The following OPCML variants were observed in gnomAD, a reference collection of about 807,000 sequenced individuals.
OPCML encodes the protein opioid-binding protein/cell adhesion molecule.
Under a neutral mutation model 37.8 loss-of-function variants are expected in OPCML, and 13 were observed. The observed-to-expected ratio is 0.34, with a 90% confidence interval of 0.22 to 0.55. The LOEUF (loss-of-function observed/expected upper bound fraction) is 0.55, where lower values mean the gene tolerates loss of function less well. Among genes scored for constraint, OPCML ranks in the 20% least tolerant of loss-of-function variants. The pLI is 0.91. For missense variants in OPCML, 341 were observed against 435.6 expected, an observed-to-expected ratio of 0.78 and a Z score of 1.93; for synonymous variants, 176 against 168.8, an observed-to-expected ratio of 1.04 and a Z score of -0.33.
chr11:132,787,995 C>T (rs1247939760), intron 2 of OPCML, among the ~76,000 whole-genome samples: 1 of 152,164 alleles, frequency 6.6e-6, no homozygotes, highest in Non-Finnish European at 1.5e-5. Context: ...CTTCTTCTGC[C>T]TCAGCCTCCC....
chr11:132,557,651 G>A (rs545779047), intron 3 of OPCML, among the ~76,000 whole-genome samples: 6 of 152,228 alleles, frequency 3.9e-5, no homozygotes, highest in Admixed American at 3.9e-4. Context: ...TCATTAAATT[G>A]TGTCTTTATT....
chr11:132,617,237 G>A (rs1013352349), intron 3 of OPCML, among the ~76,000 whole-genome samples: 2 of 152,132 alleles, frequency 1.3e-5, no homozygotes, highest in Non-Finnish European at 2.9e-5. Flanking sequence ...ATTGGGGAGG[G>A]GGTTGAGAAA....
chr11:132,704,323 AAAG>A (rs1161650694), intron 2 of OPCML, among the ~76,000 whole-genome samples: 1 of 152,256 alleles, frequency 6.6e-6, no homozygotes, highest in Non-Finnish European at 1.5e-5. Flanking sequence ...GGGTTAAAAC[AAAG>A]AAGGTCTACC....
At chr11:132,547,479 TA>T (rs1471510880) in intron 3 of OPCML, among the ~76,000 whole-genome samples, 7 of 151,984 alleles carry the variant, frequency 4.6e-5, no homozygotes, top group Non-Finnish European at 1.0e-4. Flanking sequence ...ACTAGATTTT[TA>T]GAAAGGGTAG....
At chr11:132,955,609 C>T (rs1385763537) in intron 1 of OPCML, among the ~76,000 whole-genome samples, 10 of 152,128 alleles carry the variant, frequency 6.6e-5, no homozygotes, top group East Asian at 3.9e-4. Flanking sequence ...TCTGGCTGGG[C>T]GCGGTGGCTC....
chr11:132,490,835 GA>G (rs1410382541), intron 4 of OPCML, among the ~76,000 whole-genome samples: 3 of 147,704 alleles, frequency 2.0e-5, no homozygotes, highest in Non-Finnish European at 3.0e-5. Flanking sequence ...AAAAAAAAAA[GA>G]AATGAAGAAC....
At chr11:133,467,210 G>A (rs66514338) in intron 1 of OPCML, among the ~76,000 whole-genome samples, 20,161 of 152,120 alleles carry the variant, frequency 0.13, 3,191 homozygotes, top group African/African-American at 0.38. Flanking sequence ...AAATGCACAG[G>A]AGTCCTCTGT....
chr11:133,465,866 A>T (rs1427549831), intron 1 of OPCML, among the ~76,000 whole-genome samples: 4 of 152,222 alleles, frequency 2.6e-5, no homozygotes, highest in Non-Finnish European at 5.9e-5. Context: ...TGTCATAGTC[A>T]CTTTTTGTCT....
intron 3 of OPCML, among the ~76,000 whole-genome samples, chr11:132,540,761 T>C (rs1325069913): frequency 6.6e-6 from 1 of 152,228 alleles, no homozygotes; most frequent in Non-Finnish European, 1.5e-5. Flanking sequence ...TCATTTGTGA[T>C]GGTTGTCTCC....
chr11:133,422,688 G>A (rs1240003333), intron 1 of OPCML: 1 of 984,222 alleles, frequency 1.0e-6, no homozygotes, highest in East Asian at 1.1e-4. Flanking sequence ...ATTATGTCAT[G>A]AGGAAATATA....
At chr11:132,788,079 C>A (rs1259294336) in intron 2 of OPCML, among the ~76,000 whole-genome samples, 1 of 152,146 alleles carries the variant, frequency 6.6e-6, no homozygotes, top group Non-Finnish European at 1.5e-5. Flanking sequence ...TGGGGTTTCA[C>A]CATGTTGGCC....
intron 1 of OPCML, among the ~76,000 whole-genome samples, chr11:133,275,122 T>TG (rs1293549648): frequency 6.6e-6 from 1 of 152,048 alleles, no homozygotes; most frequent in Non-Finnish European, 1.5e-5. Flanking sequence ...GCAAAGGGGG[T>TG]GGGAGGCTGG....
intron 1 of OPCML, among the ~76,000 whole-genome samples, chr11:133,107,012 G>A (rs937329860): frequency 4.6e-5 from 7 of 152,166 alleles, no homozygotes; most frequent in African/African-American, 1.7e-4. Flanking sequence ...CCGGTCTTGG[G>A]TATCCCCACC....
intron 1 of OPCML, among the ~76,000 whole-genome samples, chr11:133,341,837 G>C (rs1943876212): frequency 6.6e-6 from 1 of 152,108 alleles, no homozygotes; most frequent in African/African-American, 2.4e-5. Flanking sequence ...AGAATAGCTT[G>C]AACTTGGGAG....
At chr11:132,800,304 T>C (rs975076700) in intron 2 of OPCML, among the ~76,000 whole-genome samples, 4 of 152,218 alleles carry the variant, frequency 2.6e-5, no homozygotes, top group Non-Finnish European at 4.4e-5. Flanking sequence ...TAATCAAACT[T>C]TTAATGGATT....
intron 3 of OPCML, among the ~76,000 whole-genome samples, chr11:132,553,631 T>G (rs2096387522): frequency 6.6e-6 from 1 of 152,224 alleles, no homozygotes; most frequent in Non-Finnish European, 1.5e-5. Context: ...GCAGAGATTC[T>G]TATAACACTT....
chr11:132,885,932 C>T (rs987760892), intron 2 of OPCML, among the ~76,000 whole-genome samples: 2 of 152,164 alleles, frequency 1.3e-5, no homozygotes, highest in East Asian at 1.9e-4. Context: ...ACATGTCCCA[C>T]GAGACAGAAA....
At chr11:133,484,867 C>T (rs1370473163) in intron 1 of OPCML, among the ~76,000 whole-genome samples, 1 of 151,792 alleles carries the variant, frequency 6.6e-6, no homozygotes, top group Non-Finnish European at 1.5e-5. Context: ...CTGTTATATA[C>T]TTAACAGTTG....
At chr11:132,975,058 A>T (rs921406630) in intron 1 of OPCML, among the ~76,000 whole-genome samples, 1 of 151,852 alleles carries the variant, frequency 6.6e-6, no homozygotes, top group African/African-American at 2.4e-5. Flanking sequence ...TCTGGAACTC[A>T]TTCATTCTTT....
Sources: allele counts gnomAD v4.1 joint callset (sites outside exome capture counted in the v4.1 genomes callset), GRCh38; gene constraint gnomAD v4.1.1; transcripts MANE v1.5; gene names NCBI Gene and HGNC (gene_info 2026-07-23, HGNC 2026-07-21).